ENTHD1: variants seen among roughly 807,000 people sequenced by gnomAD.
ENTHD1 encodes the protein ENTH domain-containing protein 1.
A neutral mutation model predicts 39.1 loss-of-function variants in ENTHD1; 23 were observed. The observed-to-expected ratio is 0.59, with a 90% confidence interval of 0.42 to 0.83. ENTHD1 has a LOEUF of 0.83. ENTHD1 is among the 40% of genes least tolerant of loss of function. ENTHD1 has a pLI of 0.00. For synonymous variants in ENTHD1, 230 were observed against 258.2 expected (o/e 0.89, Z 1.05); for missense variants, 624 against 705.4 (o/e 0.88, Z 1.31).
At chr22:39,870,213 C>T (rs908439931) in intron 2 of ENTHD1, among the ~76,000 whole-genome samples, 6 of 151,790 alleles carry the variant, frequency 4.0e-5, no homozygotes, top group Admixed American at 1.3e-4. Context: ...TTTGCCATGT[C>T]GGCCAGGCTG....
intron 5 of ENTHD1, 64 bp downstream of exon 5, chr22:39,820,929 A>G: frequency 2.5e-6 from 4 of 1,585,492 alleles, no homozygotes; most frequent in Non-Finnish European, 2.6e-6. Context: ...ATAGAAGCCA[A>G]CGGTTGCTGT....
At chr22:39,803,569 T>A (rs375948575) in intron 5 of ENTHD1, among the ~76,000 whole-genome samples, 13 of 152,160 alleles carry the variant, frequency 8.5e-5, no homozygotes, top group African/African-American at 3.1e-4. Flanking sequence ...GAGAAACTCA[T>A]TAAGTATCTA....
intron 6 of ENTHD1, among the ~76,000 whole-genome samples, chr22:39,759,471 A>G (rs2065212504): frequency 6.6e-6 from 1 of 152,008 alleles, no homozygotes; most frequent in Non-Finnish European, 1.5e-5. Context: ...ACTATCTTTA[A>G]TTCTTAGAAT....
In ENTHD1 at chr22:39,821,310, C is replaced by T. The variant is rs73888180; in HGVS notation, c.712-197G>A. Among the ~76,000 whole-genome samples the T allele has an allele frequency of 7.3e-3, 1,118 of 152,212 alleles. 15 individuals are homozygous for T. Among genetic ancestry groups the T allele is most frequent in the African/African-American group, 0.026 (1,071 of 41,516 alleles). On this transcript the variant is annotated intron_variant, in intron 4 of 6. Transcript: ENST00000325157. ...TTTTGTGCCCTCGGGAATCCCCAGA[C>T]CTTGCTGAAGACACCGTCGGTAGAT... is the stretch of plus-strand genomic sequence containing the variant.
chr22:39,817,857 T>C (rs1446621550), intron 5 of ENTHD1, among the ~76,000 whole-genome samples: 1 of 152,208 alleles, frequency 6.6e-6, no homozygotes, highest in Non-Finnish European at 1.5e-5. Context: ...CAAATAGGAT[T>C]TTGTCAAGGA....
chr22:39,785,880 C>T (rs889467130), intron 5 of ENTHD1, among the ~76,000 whole-genome samples: 3 of 152,162 alleles, frequency 2.0e-5, no homozygotes, highest in Non-Finnish European at 2.9e-5. Flanking sequence ...AGCCTTGGCT[C>T]TTTGATTTCT....
chr22:39,768,510 C>T (rs1172253035), intron 5 of ENTHD1, among the ~76,000 whole-genome samples: 2 of 152,142 alleles, frequency 1.3e-5, no homozygotes. Flanking sequence ...CAAATAACTA[C>T]TACTTCTAGA....
rs369465928 is a variant in ENTHD1, at chr22:39,745,901, G to A, written c.1220-1618C>T. On this transcript the variant is annotated intron_variant, in intron 6 of 6. Transcript: ENST00000325157. ...TGCTGTGCAGGGGTTGGAGCCATTC[G>A]AATTCTTATTCATTGCATGTAACCT... Among the ~76,000 whole-genome samples the A allele has an allele frequency of 1.1e-4, 16 of 152,172 alleles. No individual in the cohort carries two copies. The South Asian group carries it at 2.3e-3, about 22-fold the overall frequency.
At chr22:39,880,238 A>C (rs1413901836) in intron 2 of ENTHD1, among the ~76,000 whole-genome samples, 1 of 152,246 alleles carries the variant, frequency 6.6e-6, no homozygotes, top group African/African-American at 2.4e-5. Context: ...AAAAGGGTAC[A>C]TGTTAAATGA....
intron 5 of ENTHD1, among the ~76,000 whole-genome samples, chr22:39,782,941 A>C (rs2065421742): frequency 6.6e-6 from 1 of 152,196 alleles, no homozygotes; most frequent in Non-Finnish European, 1.5e-5. Context: ...GCAGTTAGGT[A>C]ACAGAAGAAA....
intron 2 of ENTHD1, among the ~76,000 whole-genome samples, chr22:39,870,243 AAGTGATC>A (rs2066230816): frequency 6.6e-6 from 1 of 152,018 alleles, no homozygotes; most frequent in African/African-American, 2.4e-5. Flanking sequence ...TCCTGGCCTC[AAGTGATC>A]CACCTGCCTT....
intron 2 of ENTHD1, among the ~76,000 whole-genome samples, chr22:39,883,488 C>T (rs1427671106): frequency 6.6e-6 from 1 of 151,824 alleles, no homozygotes; most frequent in Non-Finnish European, 1.5e-5. Context: ...ATGAAAAAAC[C>T]CATAGCTAAC....
intron 2 of ENTHD1, chr22:39,875,567 C>T (rs539075231): frequency 1.9e-6 from 3 of 1,611,192 alleles, no homozygotes; most frequent in Admixed American, 1.7e-5. Flanking sequence ...TGAATACCGC[C>T]GCCTTGAAGT....
chr22:39,811,498 T>C (rs541522448), intron 5 of ENTHD1, among the ~76,000 whole-genome samples: 2 of 152,298 alleles, frequency 1.3e-5, no homozygotes, highest in African/African-American at 2.4e-5. Flanking sequence ...AGTAAGGTCA[T>C]GCGTTCTTCT....
intron 5 of ENTHD1, among the ~76,000 whole-genome samples, chr22:39,787,033 C>T (rs1323049823): frequency 6.7e-6 from 1 of 149,532 alleles, no homozygotes; most frequent in Non-Finnish European, 1.5e-5. Flanking sequence ...ATTTTTCCAA[C>T]AGCTTGTCAC....
chr22:39,872,944 C>G (rs1274524891), intron 2 of ENTHD1, among the ~76,000 whole-genome samples: 1 of 151,580 alleles, frequency 6.6e-6, no homozygotes, highest in Non-Finnish European at 1.5e-5. Flanking sequence ...ATCTTTCCAC[C>G]TCAGCCCCCC....
At chr22:39,765,826 C>G (rs10084629) in intron 5 of ENTHD1, among the ~76,000 whole-genome samples, 4,207 of 151,658 alleles carry the variant, frequency 0.028, 188 homozygotes, top group African/African-American at 0.097. Flanking sequence ...CTGCCTTCTC[C>G]CTCTCTCCTC....
chr22:39,859,012 ATCT>A (rs962990999), intron 3 of ENTHD1, among the ~76,000 whole-genome samples: 14 of 152,212 alleles, frequency 9.2e-5, no homozygotes, highest in Non-Finnish European at 1.6e-4. Flanking sequence ...CCTTAGCTAG[ATCT>A]TCTGGATAAC....
At chr22:39,819,146 C>T (rs1385908949) in intron 5 of ENTHD1, among the ~76,000 whole-genome samples, 3 of 152,098 alleles carry the variant, frequency 2.0e-5, no homozygotes, top group African/African-American at 7.2e-5. Flanking sequence ...GTGGGTGGAT[C>T]ACAAGGTCAG....
Sources: gnomAD v4.1 joint callset for allele counts (sites outside exome capture counted in the v4.1 genomes callset) on GRCh38, gnomAD v4.1.1 for gene constraint, MANE v1.5 for transcripts, NCBI Gene and HGNC (gene_info 2026-07-23, HGNC 2026-07-21) for gene names.